SLC22A9: variants seen among roughly 807,000 people sequenced by gnomAD.
SLC22A9 encodes solute carrier family 22 member 9.
A neutral mutation model predicts 50.1 loss-of-function variants in SLC22A9; 64 were observed. That is an observed-to-expected ratio of 1.28 (90% CI 1.04 to 1.57). The LOEUF is 1.57. Ranked by LOEUF, SLC22A9 falls within the 40% of genes most tolerant of loss-of-function variation. The probability of loss-of-function intolerance (pLI) is 0.00; values close to 1 mark genes in which losing one functional copy is unlikely to be tolerated. For missense variants in SLC22A9, 757 were observed against 676.1 expected (o/e 1.12, Z -1.33); for synonymous variants, 261 against 242.5 (o/e 1.08, Z -0.71).
At chr11:63,394,286 T>C (rs2014814173) in intron 6 of SLC22A9, among the ~76,000 whole-genome samples, 2 of 152,114 alleles carry the variant, frequency 1.3e-5, no homozygotes, top group African/African-American at 4.8e-5. Flanking sequence ...TTTTGGTTTT[T>C]CTTTTTTTTT....
intron 6 of SLC22A9, among the ~76,000 whole-genome samples, chr11:63,396,203 T>C (rs1444599535): frequency 6.6e-6 from 1 of 152,164 alleles, no homozygotes; most frequent in African/African-American, 2.4e-5. Flanking sequence ...TCGCACTCTC[T>C]CCCAAGTTCT....
intron 9 of SLC22A9, among the ~76,000 whole-genome samples, chr11:63,409,437 CTAA>C (rs2015099379): frequency 9.3e-6 from 1 of 107,888 alleles, no homozygotes; most frequent in Admixed American, 9.2e-5. Flanking sequence ...ATCTGATGAG[CTAA>C]AAAAAAAAAA....
chr11:63,372,582 A>G (rs2014381707), intron 2 of SLC22A9, among the ~76,000 whole-genome samples: 1 of 152,106 alleles, frequency 6.6e-6, no homozygotes, highest in Admixed American at 6.6e-5. Context: ...TTCTATTGGA[A>G]TTGCATTAAA....
At chr11:63,403,648 C>T (rs2014987859) in intron 6 of SLC22A9, among the ~76,000 whole-genome samples, 1 of 151,990 alleles carries the variant, frequency 6.6e-6, no homozygotes, top group Non-Finnish European at 1.5e-5. Context: ...ACTCTCACCA[C>T]TTCTATTCAA....
At chr11:63,380,940 T>C (rs1158894965) in intron 5 of SLC22A9, among the ~76,000 whole-genome samples, 1 of 152,144 alleles carries the variant, frequency 6.6e-6, no homozygotes, top group Non-Finnish European at 1.5e-5. Context: ...TGGCAACTGA[T>C]GATCCCATCA....
chr11:63,394,344 G>A (rs1412296048), intron 6 of SLC22A9, among the ~76,000 whole-genome samples: 1 of 151,790 alleles, frequency 6.6e-6, no homozygotes, highest in Non-Finnish European at 1.5e-5. Flanking sequence ...GCTTTAAAGA[G>A]GTTCTATTTT....
chr11:63,378,154 T>C (rs2014496452), intron 5 of SLC22A9, among the ~76,000 whole-genome samples: 1 of 151,806 alleles, frequency 6.6e-6, no homozygotes, highest in Admixed American at 6.6e-5. Context: ...ACTGAAATTA[T>C]TCCAGAAAAT....
intron 6 of SLC22A9, among the ~76,000 whole-genome samples, chr11:63,392,294 T>TA (rs2014777893): frequency 6.6e-6 from 1 of 152,086 alleles, no homozygotes; most frequent in South Asian, 2.1e-4. Context: ...TCTGTGTACT[T>TA]ACTTTTGCCA....
intron 6 of SLC22A9, among the ~76,000 whole-genome samples, chr11:63,395,477 T>C (rs2014836875): frequency 6.6e-6 from 1 of 152,250 alleles, no homozygotes; most frequent in Non-Finnish European, 1.5e-5. Flanking sequence ...GCTGCACTGA[T>C]TGTTATCTTG....
chr11:63,390,724 T>C (rs533183434), intron 6 of SLC22A9, among the ~76,000 whole-genome samples: 40 of 152,296 alleles, frequency 2.6e-4, no homozygotes, highest in South Asian at 2.1e-3. Flanking sequence ...TCTAATTCTA[T>C]GAAGACAGCC....
At chr11:63,371,289 A>C in intron 2 of SLC22A9, 51 bp downstream of exon 2, 1 of 1,338,624 alleles carries the variant, frequency 7.5e-7, no homozygotes, top group Non-Finnish European at 1.1e-6. Flanking sequence ...TTATCAACTT[A>C]TGAAACATTA....
chr11:63,380,756 T>G (rs1051679312), intron 5 of SLC22A9, among the ~76,000 whole-genome samples: 3 of 152,126 alleles, frequency 2.0e-5, no homozygotes, highest in African/African-American at 7.2e-5. Flanking sequence ...TATTGGGTAC[T>G]GTGCTTATTA....
intron 6 of SLC22A9, among the ~76,000 whole-genome samples, chr11:63,393,029 TG>T (rs1343835245): frequency 6.6e-6 from 1 of 152,140 alleles, no homozygotes; most frequent in Non-Finnish European, 1.5e-5. Flanking sequence ...TGAAAAATGA[TG>T]GTTTTATTTT....
At chr11:63,387,279 T>C (rs1468535169) in intron 6 of SLC22A9, among the ~76,000 whole-genome samples, 1 of 152,122 alleles carries the variant, frequency 6.6e-6, no homozygotes, top group African/African-American at 2.4e-5. Flanking sequence ...TTTGAGGTCT[T>C]AGATTTAAGA....
rs377526267 is a variant in SLC22A9, at chr11:63,383,909, C to T, written c.1073+1632C>T. The stretch of plus-strand genomic sequence containing the variant: ...ACTAAAAATACAAAAATTAGTTGGG[C>T]GTGGTGGTGCACGCCTGTAGTCCCA... On this transcript the variant is annotated intron_variant, in intron 6 of 9. Transcript: ENST00000279178. 8.6e-5 allele frequency among the ~76,000 whole-genome samples: 13 copies of T among 151,944 alleles called. No homozygotes were observed. The East Asian group carries it at 1.6e-3, about 18-fold the overall frequency.
chr11:63,402,544 G>A (rs963066098), intron 6 of SLC22A9, among the ~76,000 whole-genome samples: 8 of 151,880 alleles, frequency 5.3e-5, no homozygotes, highest in African/African-American at 1.9e-4. Context: ...AAATCAGGTA[G>A]TGTGATGCCT....
chr11:63,398,342 A>T (rs1370326955), intron 6 of SLC22A9, among the ~76,000 whole-genome samples: 1 of 152,156 alleles, frequency 6.6e-6, no homozygotes, highest in African/African-American at 2.4e-5. Flanking sequence ...GTCTCACTAG[A>T]TCACAGGTCC....
At chr11:63,374,170 G>A (rs780552285) in intron 4 of SLC22A9, 108 bp downstream of exon 4, 23 of 1,070,404 alleles carry the variant, frequency 2.1e-5, no homozygotes, top group African/African-American at 6.4e-5. Flanking sequence ...CTGAGAGCAC[G>A]TCCTCTCATA....
chr11:63,408,071 A>G (rs765157063), intron 7 of SLC22A9, 41 bp from the exon 8 acceptor site: 2 of 1,526,562 alleles, frequency 1.3e-6, no homozygotes, highest in South Asian at 2.3e-5. Context: ...TGATTCCTTC[A>G]GCTCAGATTT....
Sources: gnomAD v4.1 joint callset for allele counts (sites outside exome capture counted in the v4.1 genomes callset) on GRCh38, gnomAD v4.1.1 for gene constraint, MANE v1.5 for transcripts, NCBI Gene and HGNC (gene_info 2026-07-23, HGNC 2026-07-21) for gene names.